Variants in MCMDC2 observed in about 807,000 individuals in gnomAD.
The protein encoded by MCMDC2 is minichromosome maintenance domain containing 2.
In MCMDC2, 54 loss-of-function variants were observed where a neutral mutation model predicts 75.8. That is an observed-to-expected ratio of 0.71 (90% CI 0.57 to 0.89). The LOEUF is 0.89. MCMDC2 is among the 40% of genes least tolerant of loss of function. The pLI is 0.00. For synonymous variants in MCMDC2, 249 were observed against 274.6 expected (o/e 0.91, Z 0.92); for missense variants, 656 against 780.4 (o/e 0.84, Z 1.90).
intron 14 of MCMDC2, among the ~76,000 whole-genome samples, chr8:66,907,355 C>A (rs1411401984): frequency 6.6e-6 from 1 of 152,118 alleles, no homozygotes; most frequent in African/African-American, 2.4e-5. Context: ...TGTTAGTTGG[C>A]TGAGAATGAT....
intron 10 of MCMDC2, among the ~76,000 whole-genome samples, chr8:66,895,404 T>C (rs1294361037): frequency 1.1e-4 from 17 of 150,536 alleles, no homozygotes; most frequent in East Asian, 3.9e-4. Flanking sequence ...TTCTTTCTTT[T>C]TTTTTTTTTT....
At chr8:66,925,742 A>G (rs940950970), downstream of MCMDC2, 1 of 152,378 alleles carries the variant, frequency 6.6e-6, no homozygotes, top group African/African-American at 2.4e-5. Flanking sequence ...CAGCAAGTTT[A>G]TGTGGGGGCT....
intron 13 of MCMDC2, among the ~76,000 whole-genome samples, chr8:66,902,376 T>C (rs1449234831): frequency 6.9e-6 from 1 of 145,252 alleles, no homozygotes; most frequent in Non-Finnish European, 1.5e-5. Context: ...CGTGACAGAG[T>C]GAAACCCCCT....
intron 14 of MCMDC2, among the ~76,000 whole-genome samples, chr8:66,918,548 C>CT (rs1355306998): frequency 6.6e-6 from 1 of 152,136 alleles, no homozygotes; most frequent in Non-Finnish European, 1.5e-5. Context: ...ACTACAATGT[C>CT]TTTATCTTTG....
Position 66,874,348 on chromosome 8 carries a change from C to G in MCMDC2, c.117C>G (p.Val39=), listed in dbSNP as rs1290640998. Reference sequence around the variant, plus strand: ...TAGATTCAAAACAAAGCTATGCTGTCTATCGATTCAAAATTTTAATAAATC... The same window carrying G: ...TAGATTCAAAACAAAGCTATGCTGTGTATCGATTCAAAATTTTAATAAATC... ...YYNDSKQSYA[V]YRFKILINPS... is the part of the protein sequence containing the mutation. The change falls in exon 3 of 15, where the codon GTC becomes GTG. Residue 39 remains valine, a synonymous_variant. Transcript: ENST00000422365. 1 of 1,612,716 alleles carries G rather than the reference C, an allele frequency of 6.2e-7. No individual in the cohort carries two copies. The highest frequency in any genetic ancestry group is 8.5e-7 in the Non-Finnish European group (1 of 1,179,630).
intron 12 of MCMDC2, among the ~76,000 whole-genome samples, chr8:66,898,815 CA>C (rs1480078080): frequency 2.6e-5 from 4 of 151,980 alleles, no homozygotes; most frequent in African/African-American, 9.7e-5. Flanking sequence ...TTTAGATGCA[CA>C]AAGGATGGGT....
At chr8:66,877,241 C>A in intron 4 of MCMDC2, 108 bp from the exon 5 acceptor site, 1 of 667,574 alleles carries the variant, frequency 1.5e-6, no homozygotes, top group Non-Finnish European at 2.3e-6. Context: ...TTCCTAAGAA[C>A]AATAACATAT....
chr8:66,908,375 A>G (rs987658256), intron 14 of MCMDC2, among the ~76,000 whole-genome samples: 1 of 151,960 alleles, frequency 6.6e-6, no homozygotes. Flanking sequence ...AAGATTATCA[A>G]TTTGCTTTAT....
intron 10 of MCMDC2, among the ~76,000 whole-genome samples, chr8:66,894,045 T>C (rs1453974848): frequency 2.6e-5 from 4 of 152,224 alleles, no homozygotes; most frequent in Non-Finnish European, 1.5e-5. Flanking sequence ...TGGATGCCTG[T>C]TTTTACTGTG....
At chr8:66,870,882 C>T (rs567595874) in intron 1 of MCMDC2, 51 bp downstream of exon 1, 30 of 152,492 alleles carry the variant, frequency 2.0e-4, no homozygotes, top group African/African-American at 6.0e-4. Flanking sequence ...GAGGTCACCG[C>T]TGTCAGTGGG....
At chr8:66,885,008 C>G (rs1357888947) in intron 9 of MCMDC2, among the ~76,000 whole-genome samples, 4 of 152,042 alleles carry the variant, frequency 2.6e-5, no homozygotes, top group Non-Finnish European at 5.9e-5. Context: ...TGGGCTCAAG[C>G]GATCCTCTCA....
At chr8:66,887,914 T>G (rs1811920675) in intron 9 of MCMDC2, among the ~76,000 whole-genome samples, 1 of 152,238 alleles carries the variant, frequency 6.6e-6, no homozygotes, top group African/African-American at 2.4e-5. Flanking sequence ...ATTTGAACTC[T>G]CTTTTCTAAT....
intron 14 of MCMDC2, among the ~76,000 whole-genome samples, chr8:66,911,589 C>T (rs941926205): frequency 4.0e-5 from 6 of 150,760 alleles, no homozygotes; most frequent in East Asian, 1.9e-4. Context: ...TTTGGGGGTC[C>T]GAGGCAGGCA....
intron 4 of MCMDC2, among the ~76,000 whole-genome samples, chr8:66,875,128 A>G (rs556723125): frequency 2.0e-5 from 3 of 152,244 alleles, no homozygotes; most frequent in Non-Finnish European, 2.9e-5. Flanking sequence ...GAACCTTCAT[A>G]TATCTACCAC....
Position 66,901,263 on chromosome 8 carries a change from A to T in MCMDC2, c.1684A>T (p.Thr562Ser), listed in dbSNP as rs748034503. 1 of 1,614,092 alleles carries T rather than the reference A, an allele frequency of 6.2e-7. No individual in the cohort carries two copies. Among genetic ancestry groups the T allele is most frequent in the East Asian group, 2.2e-5 (1 of 44,862 alleles). The change falls in exon 13 of 15, where the codon ACC becomes TCC. Residue 562 changes from threonine to serine, a missense_variant. Physicochemically the swap from Thr to Ser is moderately conservative, Grantham distance 58 (BLOSUM62 1). Coordinates refer to ENST00000422365, the MANE Select transcript of MCMDC2 (RefSeq NM_173518.5). The stretch of plus-strand genomic sequence containing the variant: ...ATTCAGCTTGGAAGCAGAAAGAATG[A>T]CCCATGGCTATTATCTAGCAAGTCG... ...VEFSLEAERM[T>S]HGYYLASRRI...
intron 9 of MCMDC2, chr8:66,884,408 A>G (rs994770417): frequency 6.3e-5 from 11 of 174,898 alleles, no homozygotes; most frequent in Non-Finnish European, 1.1e-4. Context: ...CATAATTACT[A>G]TCTGGGGGGA....
At chr8:66,896,653 ATAAT>A (rs1165021139) in intron 11 of MCMDC2, 123 bp from the exon 12 acceptor site, 3 of 698,704 alleles carry the variant, frequency 4.3e-6, no homozygotes, top group African/African-American at 3.7e-5. Flanking sequence ...ACCTTAAATT[ATAAT>A]TAATATGATA....
chr8:66,922,542 A>G (rs368436396), downstream of MCMDC2: 1 of 518,926 alleles, frequency 1.9e-6, no homozygotes. Flanking sequence ...AATTTAAGTC[A>G]TCATTGTGCC....
At position 66,905,223 on chromosome 8, in the gene MCMDC2, T is replaced by C; in HGVS notation, c.1770-3T>C. ...TTTCTTTGGCAACTATTTTCTTTTT[T>C]AGCGTTTTCCTATCTGAAGCCCATG... is the stretch of plus-strand genomic sequence containing the variant. On this transcript the variant is annotated splice_region_variant and splice_polypyrimidine_tract_variant and intron_variant, in intron 13 of 14. Coordinates refer to ENST00000422365, the MANE Select transcript of MCMDC2 (RefSeq NM_173518.5). 7.0e-7 allele frequency: 1 copy of C among 1,419,338 alleles called. No individual in the cohort carries two copies. The highest frequency in any genetic ancestry group is 9.2e-7 in the Non-Finnish European group (1 of 1,084,712). 87.9% of individuals were successfully genotyped at this position (1,419,338 alleles called of 1,614,324 possible).
Sources: gnomAD v4.1 joint callset for allele counts (sites outside exome capture counted in the v4.1 genomes callset) on GRCh38, gnomAD v4.1.1 for gene constraint, MANE v1.5 for transcripts, NCBI Gene and HGNC (gene_info 2026-07-23, HGNC 2026-07-21) for gene names.